SLC24A2: variants seen among roughly 807,000 people sequenced by gnomAD.
The protein encoded by SLC24A2 is sodium/potassium/calcium exchanger 2.
Under a neutral mutation model 62.0 loss-of-function variants are expected in SLC24A2, and 36 were observed. The observed-to-expected ratio is 0.58, with a 90% confidence interval of 0.44 to 0.77. The LOEUF (loss-of-function observed/expected upper bound fraction) is 0.77, where lower values mean the gene tolerates loss of function less well. Ranked by LOEUF, SLC24A2 falls within the 30% of genes least tolerant of loss-of-function variation. The pLI, the probability that SLC24A2 is intolerant of heterozygous loss-of-function variation, is 0.00. For synonymous variants in SLC24A2, 358 were observed against 294.0 expected, an observed-to-expected ratio of 1.22 and a Z score of -2.23; for missense variants, 846 against 817.9, an observed-to-expected ratio of 1.03 and a Z score of -0.42.
the SLC24A2 span, among the ~76,000 whole-genome samples, chr9:19,810,651 C>G: frequency 6.6e-6 from 1 of 152,182 alleles, no homozygotes; most frequent in Non-Finnish European, 1.5e-5. Flanking sequence ...AATGCGTCCG[C>G]TTAAGTAGCC....
At chr9:19,983,761 T>C in the SLC24A2 span, among the ~76,000 whole-genome samples, 1 of 151,982 alleles carries the variant, frequency 6.6e-6, no homozygotes, top group Admixed American at 6.6e-5. Context: ...CACCTAGAAA[T>C]GAATCTAGAA....
At chr9:20,016,298 A>G in the SLC24A2 span, among the ~76,000 whole-genome samples, 2 of 152,220 alleles carry the variant, frequency 1.3e-5, no homozygotes, top group Non-Finnish European at 2.9e-5. Context: ...TGTAATAGAT[A>G]CTTTATTGAT....
At chr9:19,804,072 G>A in the SLC24A2 span, among the ~76,000 whole-genome samples, 16 of 152,048 alleles carry the variant, frequency 1.1e-4, no homozygotes, top group African/African-American at 1.4e-4. Flanking sequence ...CTCTAACATC[G>A]TTATTTTCAG....
At chr9:19,560,286 A>C (rs895746228) in intron 7 of SLC24A2, among the ~76,000 whole-genome samples, 3 of 149,972 alleles carry the variant, frequency 2.0e-5, no homozygotes, top group Non-Finnish European at 3.0e-5. Context: ...TTATAGACTG[A>C]AAGTTTATGA....
chr9:19,882,068 A>G, the SLC24A2 span, among the ~76,000 whole-genome samples: 1 of 152,248 alleles, frequency 6.6e-6, no homozygotes, highest in Non-Finnish European at 1.5e-5. Flanking sequence ...CCACCATATT[A>G]ATCTGTCATA....
chr9:20,093,652 T>C, the SLC24A2 span, among the ~76,000 whole-genome samples: 2 of 152,244 alleles, frequency 1.3e-5, no homozygotes, highest in Non-Finnish European at 2.9e-5. Flanking sequence ...GTTGTTTTTC[T>C]GTTTGGATGC....
At chr9:19,981,345 C>T in the SLC24A2 span, among the ~76,000 whole-genome samples, 22 of 152,270 alleles carry the variant, frequency 1.4e-4, no homozygotes, top group Admixed American at 1.4e-3. Context: ...GAATCTCTGA[C>T]TCCAAGGTTC....
the SLC24A2 span, among the ~76,000 whole-genome samples, chr9:20,218,943 G>A: frequency 6.6e-6 from 1 of 152,134 alleles, no homozygotes; most frequent in African/African-American, 2.4e-5. Context: ...ATGATTTTGT[G>A]TATGCAGCAA....
the SLC24A2 span, among the ~76,000 whole-genome samples, chr9:20,094,100 G>C: frequency 9.9e-5 from 15 of 152,254 alleles, no homozygotes; most frequent in Admixed American, 9.2e-4. Flanking sequence ...CTGATAGTCC[G>C]AAGCAATGAT....
the SLC24A2 span, among the ~76,000 whole-genome samples, chr9:20,141,499 G>A: frequency 1.2e-4 from 19 of 152,012 alleles, no homozygotes; most frequent in African/African-American, 4.3e-4. Flanking sequence ...AAATGACTGT[G>A]AAGAGTCTTC....
chr9:19,656,283 T>C (rs1041018161), intron 2 of SLC24A2, among the ~76,000 whole-genome samples: 3 of 152,240 alleles, frequency 2.0e-5, no homozygotes, highest in East Asian at 1.9e-4. Flanking sequence ...TACTAAAAAC[T>C]AATACCTGGG....
intron 2 of SLC24A2, among the ~76,000 whole-genome samples, chr9:19,643,197 A>G (rs4433226): frequency 0.5 from 75,142 of 151,742 alleles, 18,986 homozygotes; most frequent in East Asian, 0.73. Context: ...AAAAATTATA[A>G]ATATTTGTCT....
At chr9:19,758,687 G>C (rs563482190) in intron 2 of SLC24A2, among the ~76,000 whole-genome samples, 2 of 152,266 alleles carry the variant, frequency 1.3e-5, no homozygotes, top group African/African-American at 4.8e-5. Flanking sequence ...GCTTTTGTAA[G>C]TGTGAGGGTC....
At chr9:20,029,542 C>G in the SLC24A2 span, among the ~76,000 whole-genome samples, 1 of 152,130 alleles carries the variant, frequency 6.6e-6, no homozygotes, top group African/African-American at 2.4e-5. Flanking sequence ...TATTCTCACC[C>G]CACAGTACTG....
chr9:20,214,673 CT>C, the SLC24A2 span, among the ~76,000 whole-genome samples: 2 of 152,122 alleles, frequency 1.3e-5, no homozygotes, highest in Admixed American at 1.3e-4. Flanking sequence ...GTTAAGTATT[CT>C]TATCACAATA....
At chr9:19,568,918 G>A (rs1254932852) in intron 7 of SLC24A2, among the ~76,000 whole-genome samples, 1 of 152,126 alleles carries the variant, frequency 6.6e-6, no homozygotes, top group East Asian at 1.9e-4. Context: ...AGCATTCCAA[G>A]CAAATGTTTA....
intron 4 of SLC24A2, among the ~76,000 whole-genome samples, chr9:19,603,745 T>C (rs559561974): frequency 8.5e-5 from 13 of 152,336 alleles, no homozygotes; most frequent in South Asian, 8.3e-4. Context: ...TTTCTCATCA[T>C]TATCAAGGTA....
At chr9:19,814,373 T>C in the SLC24A2 span, among the ~76,000 whole-genome samples, 1 of 152,138 alleles carries the variant, frequency 6.6e-6, no homozygotes, top group African/African-American at 2.4e-5. Context: ...TTTTCACATA[T>C]ACTGGGGAAA....
At chr9:19,604,514 C>T (rs2132918754) in intron 4 of SLC24A2, among the ~76,000 whole-genome samples, 1 of 152,280 alleles carries the variant, frequency 6.6e-6, no homozygotes, top group Non-Finnish European at 1.5e-5. Context: ...CAAAGAGAAT[C>T]AGTGCTAATT....
Sources: allele counts gnomAD v4.1 joint callset (sites outside exome capture counted in the v4.1 genomes callset), GRCh38; gene constraint gnomAD v4.1.1; transcripts MANE v1.5; gene names NCBI Gene and HGNC (gene_info 2026-07-23, HGNC 2026-07-21).